Variants in DLC1 observed in about 807,000 individuals in gnomAD.
The protein encoded by DLC1 is rho GTPase-activating protein 7.
DLC1 carries 54 observed loss-of-function variants against 140.3 expected under a neutral mutation model. That is an observed-to-expected ratio of 0.38 (90% CI 0.31 to 0.48). The LOEUF (loss-of-function observed/expected upper bound fraction) is 0.48, where lower values mean the gene tolerates loss of function less well. Among genes scored for constraint, DLC1 ranks in the 20% least tolerant of loss-of-function variants. The pLI is 0.96. For missense variants in DLC1, 2,536 were observed against 1,907.0 expected (o/e 1.33, Z -6.14); for synonymous variants, 986 against 728.1 (o/e 1.35, Z -5.70).
At chr8:13,182,579 T>A (rs974866725) in intron 5 of DLC1, among the ~76,000 whole-genome samples, 2 of 152,210 alleles carry the variant, frequency 1.3e-5, no homozygotes, top group African/African-American at 4.8e-5. Flanking sequence ...AAATAGGGAA[T>A]CTTTTCCCCA....
In DLC1 at chr8:13,570,932, G is replaced by A. The variant is rs1210339906; in HGVS notation, c.-126+33605C>T. Among the ~76,000 whole-genome samples the A allele has an allele frequency of 2.0e-5, 3 of 152,246 alleles. No individual in the cohort carries two copies. The East Asian group carries it at 5.8e-4, about 29-fold the overall frequency. On this transcript the variant is annotated intron_variant, in intron 1 of 1. Transcript: ENST00000631382. ...TGCCAGGGTTAACTCTTTACTTGCTGGGCCATGGTGCAGACAGGTATCTTG... is the reference window on the plus strand; with the variant it reads ...TGCCAGGGTTAACTCTTTACTTGCTAGGCCATGGTGCAGACAGGTATCTTG...
intron 4 of DLC1, among the ~76,000 whole-genome samples, chr8:13,316,753 C>T (rs1832875643): frequency 6.6e-6 from 1 of 152,160 alleles, no homozygotes; most frequent in African/African-American, 2.4e-5. Flanking sequence ...TTGCTTCCTT[C>T]TCTGGTCATT....
chr8:13,600,787 T>C (rs911680812), intron 1 of DLC1, among the ~76,000 whole-genome samples: 2 of 151,846 alleles, frequency 1.3e-5, no homozygotes, highest in African/African-American at 4.8e-5. Context: ...TCCTTCTCAG[T>C]TTTATTTTCA....
intron 4 of DLC1, among the ~76,000 whole-genome samples, chr8:13,309,577 T>G (rs1298529730): frequency 1.3e-5 from 2 of 152,188 alleles, no homozygotes; most frequent in African/African-American, 4.8e-5. Context: ...ATGTGGGAGC[T>G]TAGACTGTGT....
At chr8:13,434,451 A>T (rs929409516) in intron 2 of DLC1, among the ~76,000 whole-genome samples, 3 of 152,126 alleles carry the variant, frequency 2.0e-5, no homozygotes, top group Non-Finnish European at 4.4e-5. Flanking sequence ...ACGTGCAGGC[A>T]TGACAGTTAG....
intron 2 of DLC1, among the ~76,000 whole-genome samples, chr8:13,481,337 G>A (rs1223304434): frequency 6.6e-6 from 1 of 152,270 alleles, no homozygotes; most frequent in East Asian, 1.9e-4. Context: ...TTAGGTGGGA[G>A]AATCACCTGA....
chr8:13,263,673 C>T (rs1830559661), intron 5 of DLC1, among the ~76,000 whole-genome samples: 1 of 150,850 alleles, frequency 6.6e-6, no homozygotes, highest in Non-Finnish European at 1.5e-5. Flanking sequence ...GTAAACTTGA[C>T]TTTGTTAATA....
chr8:13,133,408 C>G, intron 5 of DLC1: 1 of 687,778 alleles, frequency 1.5e-6, no homozygotes, highest in Non-Finnish European at 1.8e-6. Context: ...TAGCGACGGG[C>G]TGTTCTCCGG....
intron 2 of DLC1, among the ~76,000 whole-genome samples, chr8:13,474,170 G>C (rs570241497): frequency 6.6e-6 from 1 of 152,258 alleles, no homozygotes; most frequent in African/African-American, 2.4e-5. Flanking sequence ...GCAGTCTGGG[G>C]ATTTGGTGGC....
chr8:13,159,274 C>A (rs1330589920), intron 5 of DLC1, among the ~76,000 whole-genome samples: 1 of 152,210 alleles, frequency 6.6e-6, no homozygotes, highest in East Asian at 1.9e-4. Flanking sequence ...GCTACAGAAG[C>A]TCCTAAGTGA....
At chr8:13,112,363 T>C (rs1820187550) in intron 6 of DLC1, among the ~76,000 whole-genome samples, 1 of 152,210 alleles carries the variant, frequency 6.6e-6, no homozygotes, top group Non-Finnish European at 1.5e-5. Flanking sequence ...CTTAGTAATC[T>C]ATTTTCTAGA....
chr8:13,406,832 G>A (rs76039438), intron 2 of DLC1, among the ~76,000 whole-genome samples: 1,838 of 152,190 alleles, frequency 0.012, 38 homozygotes, highest in African/African-American at 0.036. Context: ...ACATGAACAG[G>A]CTATTCTTAA....
chr8:13,425,346 G>C (rs977039712), intron 2 of DLC1, among the ~76,000 whole-genome samples: 1 of 152,160 alleles, frequency 6.6e-6, no homozygotes, highest in African/African-American at 2.4e-5. Flanking sequence ...ATGTGGCAGG[G>C]CAAGAAAATG....
intron 2 of DLC1, among the ~76,000 whole-genome samples, chr8:13,434,880 G>A (rs548386674): frequency 1.3e-5 from 2 of 152,106 alleles, no homozygotes; most frequent in Admixed American, 1.3e-4. Flanking sequence ...GTGTTTCGTC[G>A]TGTTGCTTAG....
chr8:13,122,094 C>T (rs983749091), intron 5 of DLC1, among the ~76,000 whole-genome samples: 24 of 152,200 alleles, frequency 1.6e-4, no homozygotes, highest in African/African-American at 5.3e-4. Context: ...CTGCCCCCAA[C>T]AAATCCGTCC....
At chr8:13,121,011 G>A (rs897799748) in intron 5 of DLC1, among the ~76,000 whole-genome samples, 16 of 152,254 alleles carry the variant, frequency 1.1e-4, no homozygotes, top group Non-Finnish European at 2.4e-4. Flanking sequence ...AGCTTCACAG[G>A]GGGAACTTTT....
chr8:13,419,088 T>C (rs1838197039), intron 2 of DLC1, among the ~76,000 whole-genome samples: 1 of 152,184 alleles, frequency 6.6e-6, no homozygotes, highest in South Asian at 2.1e-4. Context: ...TTGCTGAAGT[T>C]GCTTATCAGC....
In DLC1 at chr8:13,601,936, C is replaced by T. The variant is rs2623392; in HGVS notation, c.-126+2601G>A. Among the ~76,000 whole-genome samples, 119 of 151,856 alleles carry T rather than the reference C, an allele frequency of 7.8e-4. 2 individuals are homozygous for T. The highest frequency in any genetic ancestry group is 2.7e-3 in the African/African-American group (112 of 41,508). ...TGTCCACTATTTTTCAGAATTAATT[C>T]TATGCTTTCACATTTCCAATTAAAA... On this transcript the variant is annotated intron_variant, in intron 1 of 1. Transcript: ENST00000631382.
intron 1 of DLC1, among the ~76,000 whole-genome samples, chr8:13,599,966 TCAC>T (rs1196273485): frequency 1.3e-5 from 2 of 151,976 alleles, no homozygotes; most frequent in South Asian, 2.1e-4. Flanking sequence ...TTTAGCATCT[TCAC>T]CACCTTCACC....
Sources: allele counts gnomAD v4.1 joint callset (sites outside exome capture counted in the v4.1 genomes callset), GRCh38; gene constraint gnomAD v4.1.1; transcripts MANE v1.5; gene names NCBI Gene and HGNC (gene_info 2026-07-23, HGNC 2026-07-21).